The following PRKG2 variants were observed in gnomAD, a reference collection of about 807,000 sequenced individuals.
PRKG2 encodes the protein cGMP-dependent protein kinase 2.
In PRKG2, 33 loss-of-function variants were observed where a neutral mutation model predicts 97.2. That is an observed-to-expected ratio of 0.34 (90% CI 0.26 to 0.45). PRKG2 has a LOEUF of 0.45. PRKG2 is among the 20% of genes least tolerant of loss of function. PRKG2 has a pLI of 1.00. For missense variants in PRKG2, 638 were observed against 900.0 expected, an observed-to-expected ratio of 0.71 and a Z score of 3.73; for synonymous variants, 330 against 321.8, an observed-to-expected ratio of 1.03 and a Z score of -0.27.
intron 6 of PRKG2, among the ~76,000 whole-genome samples, chr4:81,158,634 C>CA (rs1409391987): frequency 3.9e-5 from 6 of 151,968 alleles, no homozygotes; most frequent in Non-Finnish European, 7.4e-5. Flanking sequence ...GAGCCCGCAT[C>CA]ACCAAGTCAA....
intron 17 of PRKG2, among the ~76,000 whole-genome samples, chr4:81,101,109 C>T (rs1404095733): frequency 1.3e-5 from 2 of 151,766 alleles, no homozygotes; most frequent in Non-Finnish European, 1.5e-5. Context: ...CACTTTTACA[C>T]TGTTGGTGGG....
intron 14 of PRKG2, among the ~76,000 whole-genome samples, chr4:81,132,788 C>T (rs923506731): frequency 2.6e-5 from 4 of 152,132 alleles, no homozygotes; most frequent in African/African-American, 9.7e-5. Flanking sequence ...TAGTTTCCTT[C>T]CATATCTGTT....
intron 17 of PRKG2, among the ~76,000 whole-genome samples, chr4:81,101,909 C>A (rs184747705): frequency 6.6e-6 from 1 of 152,230 alleles, no homozygotes; most frequent in Non-Finnish European, 1.5e-5. Flanking sequence ...AGCTACGCAG[C>A]TTAAAGACTT....
intron 6 of PRKG2, among the ~76,000 whole-genome samples, chr4:81,156,788 G>A (rs545386806): frequency 9.3e-4 from 142 of 152,174 alleles, no homozygotes; most frequent in African/African-American, 3.3e-3. Context: ...ACTCAAAACC[G>A]CCAACTACAT....
At chr4:81,128,273 G>T (rs1000129062) in intron 14 of PRKG2, among the ~76,000 whole-genome samples, 7 of 152,180 alleles carry the variant, frequency 4.6e-5, no homozygotes, top group African/African-American at 1.7e-4. Flanking sequence ...GTTCATCAGG[G>T]ATATTAGCCT....
chr4:81,157,013 A>G (rs1391751951), intron 6 of PRKG2, among the ~76,000 whole-genome samples: 2 of 152,202 alleles, frequency 1.3e-5, no homozygotes, highest in African/African-American at 4.8e-5. Context: ...CATCACAATT[A>G]AAAGAACTAG....
At chr4:81,154,313 G>A (rs1578433196) in intron 6 of PRKG2, 3 of 152,844 alleles carry the variant, frequency 2.0e-5, no homozygotes, top group African/African-American at 7.3e-5. Context: ...CACCTCTGGG[G>A]GCAGGGCACA....
intron 7 of PRKG2, 100 bp from the exon 8 acceptor site, chr4:81,152,154 G>C (rs1437919811): frequency 3.5e-6 from 3 of 853,024 alleles, no homozygotes; most frequent in Non-Finnish European, 5.5e-6. Context: ...ATATAAACTT[G>C]GACAAGGAAA....
intron 15 of PRKG2, among the ~76,000 whole-genome samples, chr4:81,106,876 G>T (rs896118994): frequency 3.9e-5 from 6 of 152,210 alleles, no homozygotes; most frequent in Non-Finnish European, 7.3e-5. Flanking sequence ...GGAGAAGTCA[G>T]CAGTAACTCA....
intron 2 of PRKG2, among the ~76,000 whole-genome samples, chr4:81,180,979 C>T (rs1249454436): frequency 5.2e-5 from 6 of 115,846 alleles, no homozygotes; most frequent in Admixed American, 1.1e-4. Context: ...AGCTATCCCT[C>T]CCCCCTCCCC....
chr4:81,217,280 G>C (rs1754313293), upstream of PRKG2, among the ~76,000 whole-genome samples: 1 of 151,982 alleles, frequency 6.6e-6, no homozygotes, highest in African/African-American at 2.4e-5. Flanking sequence ...ATAAAAAATA[G>C]CAGAGTATGC....
At chr4:81,162,559 T>C (rs995643863) in intron 6 of PRKG2, among the ~76,000 whole-genome samples, 1 of 152,232 alleles carries the variant, frequency 6.6e-6, no homozygotes, top group East Asian at 1.9e-4. Flanking sequence ...CTATCTTTCC[T>C]GGACAGTTAT....
chr4:81,153,298 T>A (rs1748601180), intron 7 of PRKG2: 1 of 184,864 alleles, frequency 5.4e-6, no homozygotes, highest in African/African-American at 2.4e-5. Flanking sequence ...TAAGAAAATA[T>A]TCTAGTACTG....
At chr4:81,202,372 G>A (rs561744765) in intron 2 of PRKG2, among the ~76,000 whole-genome samples, 15 of 152,212 alleles carry the variant, frequency 9.9e-5, no homozygotes, top group African/African-American at 3.6e-4. Context: ...GACTTAAGGA[G>A]GTATCTGTAC....
intron 3 of PRKG2, among the ~76,000 whole-genome samples, chr4:81,174,489 A>G (rs1284223136): frequency 1.3e-5 from 2 of 152,188 alleles, no homozygotes; most frequent in African/African-American, 2.4e-5. Flanking sequence ...GACATAGTCC[A>G]TGTTAGTAAC....
chr4:81,157,443 T>C (rs1030589281), intron 6 of PRKG2, among the ~76,000 whole-genome samples: 3 of 152,100 alleles, frequency 2.0e-5, no homozygotes, highest in Non-Finnish European at 4.4e-5. Context: ...AATCAACAGC[T>C]TACCAACAAA....
chr4:81,213,131 C>T (rs1440522805), intron 1 of PRKG2, among the ~76,000 whole-genome samples: 1 of 152,068 alleles, frequency 6.6e-6, no homozygotes, highest in Non-Finnish European at 1.5e-5. Context: ...TCTGGATTTA[C>T]ATATATTGAG....
chr4:81,212,086 C>T (rs1417115811), intron 1 of PRKG2, among the ~76,000 whole-genome samples: 1 of 152,260 alleles, frequency 6.6e-6, no homozygotes, highest in East Asian at 1.9e-4. Context: ...CTCACTTTCA[C>T]ATTAATGCCA....
At chr4:81,112,624 GA>G (rs1366782380) in intron 14 of PRKG2, among the ~76,000 whole-genome samples, 3 of 152,122 alleles carry the variant, frequency 2.0e-5, no homozygotes, top group Non-Finnish European at 4.4e-5. Context: ...TTGGCCTAAA[GA>G]GATGGCAATA....
Sources: gnomAD v4.1 joint callset for allele counts (sites outside exome capture counted in the v4.1 genomes callset) on GRCh38, gnomAD v4.1.1 for gene constraint, MANE v1.5 for transcripts, NCBI Gene and HGNC (gene_info 2026-07-23, HGNC 2026-07-21) for gene names.